CYRIB: variants seen among roughly 807,000 people sequenced by gnomAD.
CYRIB encodes the protein CYFIP related Rac1 interactor B, also known as CYFIP-related Rac1 interactor B.
CYRIB carries 8 observed loss-of-function variants against 44.2 expected under a neutral mutation model. The observed-to-expected ratio is 0.18, with a 90% CI of 0.11 to 0.33. CYRIB has a LOEUF of 0.33. CYRIB is among the 10% of genes least tolerant of loss of function. The pLI, the probability that CYRIB is intolerant of heterozygous loss-of-function variation, is 1.00. For missense variants in CYRIB, 185 were observed against 382.8 expected, an observed-to-expected ratio of 0.48 and a Z score of 4.31; for synonymous variants, 131 against 127.2, an observed-to-expected ratio of 1.03 and a Z score of -0.20.
At chr8:129,893,470 G>C (rs566284698) in intron 2 of CYRIB, among the ~76,000 whole-genome samples, 2 of 152,172 alleles carry the variant, frequency 1.3e-5, no homozygotes, top group East Asian at 3.9e-4. Flanking sequence ...CTTCCCAGAA[G>C]GGCTGATTCT....
At chr8:129,929,872 T>C (rs888304846) in intron 1 of CYRIB, among the ~76,000 whole-genome samples, 6 of 152,116 alleles carry the variant, frequency 3.9e-5, no homozygotes, top group Non-Finnish European at 7.4e-5. Context: ...AGCCCTACTT[T>C]ATGACTTAGG....
At chr8:129,981,560 C>T (rs1345040200) in intron 1 of CYRIB, among the ~76,000 whole-genome samples, 1 of 152,172 alleles carries the variant, frequency 6.6e-6, no homozygotes, top group African/African-American at 2.4e-5. Context: ...AAATACTTCC[C>T]CAGTGTAAGG....
intron 1 of CYRIB, among the ~76,000 whole-genome samples, chr8:129,924,229 A>T (rs563135916): frequency 1.3e-4 from 17 of 134,402 alleles, no homozygotes; most frequent in Non-Finnish European, 4.7e-5. Flanking sequence ...AGCTATGATC[A>T]TGCCACCACA....
intron 2 of CYRIB, among the ~76,000 whole-genome samples, chr8:129,882,611 G>C (rs992949357): frequency 5.3e-5 from 8 of 152,126 alleles, no homozygotes; most frequent in Non-Finnish European, 7.4e-5. Context: ...GGTATGCATG[G>C]AGAAGAGGGA....
At chr8:129,984,204 G>A (rs2096366064) in intron 1 of CYRIB, among the ~76,000 whole-genome samples, 1 of 152,216 alleles carries the variant, frequency 6.6e-6, no homozygotes, top group Non-Finnish European at 1.5e-5. Flanking sequence ...TCTGGCTGCA[G>A]GGACAACAGT....
chr8:129,871,577 C>T, intron 3 of CYRIB, 81 bp from the exon 6 acceptor site: 1 of 1,430,832 alleles, frequency 7.0e-7, no homozygotes, highest in South Asian at 1.4e-5. Context: ...CAATTAACAA[C>T]CCAAATTTCC....
chr8:129,970,460 C>T (rs1224972567), intron 2 of CYRIB: 3 of 149,816 alleles, frequency 2.0e-5, no homozygotes, highest in Non-Finnish European at 3.0e-5. Context: ...TGCTCTGTCA[C>T]TCAGGCTGGA....
At chr8:129,863,114 T>C (rs1397655348) in intron 4 of CYRIB, among the ~76,000 whole-genome samples, 1 of 152,046 alleles carries the variant, frequency 6.6e-6, no homozygotes, top group Non-Finnish European at 1.5e-5. Flanking sequence ...AGTAAGACAA[T>C]AAGATGCCAA....
At chr8:129,938,373 T>G (rs1181193886) in intron 1 of CYRIB, among the ~76,000 whole-genome samples, 4 of 152,226 alleles carry the variant, frequency 2.6e-5, no homozygotes, top group Non-Finnish European at 5.9e-5. Context: ...TTCTTTTAGC[T>G]ATATAAAACA....
chr8:129,979,076 G>A (rs980044182), intron 1 of CYRIB, among the ~76,000 whole-genome samples: 1 of 152,118 alleles, frequency 6.6e-6, no homozygotes, highest in African/African-American at 2.4e-5. Flanking sequence ...GGGAGGCAGA[G>A]GCTGAAGTGA....
chr8:129,969,065 G>T (rs2095596132), intron 2 of CYRIB, among the ~76,000 whole-genome samples: 1 of 112,958 alleles, frequency 8.9e-6, no homozygotes, highest in Non-Finnish European at 1.6e-5. Context: ...CCAGGCTAGA[G>T]TGCAGTGGCT....
chr8:129,882,662 C>A (rs1490867980), intron 2 of CYRIB, among the ~76,000 whole-genome samples: 1 of 152,072 alleles, frequency 6.6e-6, no homozygotes, highest in Non-Finnish European at 1.5e-5. Flanking sequence ...GCACACAGTC[C>A]AACCTTGGGG....
chr8:129,879,664 A>T, intron 2 of CYRIB, 193 bp from the exon 5 acceptor site: 1 of 525,204 alleles, frequency 1.9e-6, no homozygotes, highest in Non-Finnish European at 3.3e-6. Flanking sequence ...CTAGAGGTGA[A>T]ATGTGGTTTT....
At chr8:129,908,402 T>C (rs2076496186) in intron 1 of CYRIB, among the ~76,000 whole-genome samples, 1 of 152,178 alleles carries the variant, frequency 6.6e-6, no homozygotes, top group Non-Finnish European at 1.5e-5. Context: ...TTTAGAGAAC[T>C]GGTTCTGAAA....
chr8:129,871,133 T>C (rs1039444250), intron 4 of CYRIB, among the ~76,000 whole-genome samples: 3 of 152,190 alleles, frequency 2.0e-5, no homozygotes, highest in African/African-American at 7.2e-5. Flanking sequence ...ATTTCAGGTA[T>C]AAGAGCAACC....
intron 2 of CYRIB, among the ~76,000 whole-genome samples, chr8:129,964,146 G>A (rs138707491): frequency 1.3e-5 from 2 of 152,286 alleles, no homozygotes; most frequent in Non-Finnish European, 2.9e-5. Context: ...GAGAAGAAAG[G>A]CCCCTAAAGG....
At chr8:129,950,912 G>T (rs1448513759) in intron 2 of CYRIB, among the ~76,000 whole-genome samples, 1 of 152,142 alleles carries the variant, frequency 6.6e-6, no homozygotes, top group Non-Finnish European at 1.5e-5. Flanking sequence ...GGGGCAGTAC[G>T]ATTTTGAGCA....
chr8:129,914,865 G>C (rs959465433), intron 1 of CYRIB, among the ~76,000 whole-genome samples: 1 of 152,104 alleles, frequency 6.6e-6, no homozygotes, highest in African/African-American at 2.4e-5. Flanking sequence ...ACCTAAGAAG[G>C]AAAGCAACTG....
intron 4 of CYRIB, among the ~76,000 whole-genome samples, chr8:129,865,914 A>G (rs1423517510): frequency 1.3e-5 from 2 of 152,244 alleles, no homozygotes. Flanking sequence ...AATATTTATC[A>G]GTAACACTAA....
Sources: gnomAD v4.1 joint callset for allele counts (sites outside exome capture counted in the v4.1 genomes callset) on GRCh38, gnomAD v4.1.1 for gene constraint, MANE v1.5 for transcripts, NCBI Gene and HGNC (gene_info 2026-07-23, HGNC 2026-07-21) for gene names.